The following MINDY4 variants were observed in gnomAD, a reference collection of about 807,000 sequenced individuals.
MINDY4 encodes the protein probable ubiquitin carboxyl-terminal hydrolase MINDY-4.
Under a neutral mutation model 87.0 loss-of-function variants are expected in MINDY4, and 68 were observed. The ratio of observed to expected loss-of-function variants is 0.78; its 90% confidence interval spans 0.64 to 0.96. The LOEUF (loss-of-function observed/expected upper bound fraction) is 0.96. Among genes scored for constraint, MINDY4 ranks in the 40% least tolerant of loss-of-function variants. The pLI is 0.00. For missense variants in MINDY4, 919 were observed against 928.2 expected (o/e 0.99, Z 0.13); for synonymous variants, 379 against 363.2 (o/e 1.04, Z -0.50).
At chr7:30,788,602 T>G (rs1787227301) in intron 4 of MINDY4, among the ~76,000 whole-genome samples, 3 of 152,210 alleles carry the variant, frequency 2.0e-5, no homozygotes, top group African/African-American at 7.2e-5. Context: ...CCTGACAGCT[T>G]GTGTTTTATC....
intron 6 of MINDY4, among the ~76,000 whole-genome samples, chr7:30,832,173 G>A (rs1397095816): frequency 2.6e-5 from 4 of 152,174 alleles, no homozygotes; most frequent in Admixed American, 6.5e-5. Flanking sequence ...TGGGCCCCCA[G>A]CCTTCATTCC....
At chr7:30,847,389 C>CT (rs1789254210) in intron 9 of MINDY4, among the ~76,000 whole-genome samples, 2 of 152,126 alleles carry the variant, frequency 1.3e-5, no homozygotes, top group Admixed American at 1.3e-4. Flanking sequence ...AGGCCCTGCC[C>CT]AAGAGCAAGA....
intron 12 of MINDY4, among the ~76,000 whole-genome samples, chr7:30,854,824 A>G (rs1562555172): frequency 1.3e-5 from 2 of 152,332 alleles, no homozygotes; most frequent in South Asian, 2.1e-4. Flanking sequence ...TACCCTAGGA[A>G]CAAAAGGAGG....
At chr7:30,858,808 C>T in intron 12 of MINDY4, 1 of 364,246 alleles carries the variant, frequency 2.7e-6, no homozygotes, top group East Asian at 7.3e-5. Context: ...TCCCTGGAGT[C>T]CCAGTGTGCT....
At chr7:30,781,144 C>A (rs756541229) in intron 2 of MINDY4, 10 of 152,352 alleles carry the variant, frequency 6.6e-5, no homozygotes, top group Admixed American at 3.3e-4. Context: ...TGCCCCATGT[C>A]CAGCCACGGC....
At chr7:30,852,542 G>T in intron 11 of MINDY4, among the ~76,000 whole-genome samples, 1 of 149,234 alleles carries the variant, frequency 6.7e-6, no homozygotes, top group Non-Finnish European at 1.5e-5. Context: ...TGTATGGAAT[G>T]CCTTTTGGTT....
intron 13 of MINDY4, among the ~76,000 whole-genome samples, chr7:30,869,441 A>G (rs1790036144): frequency 6.6e-6 from 1 of 152,160 alleles, no homozygotes. Context: ...GTTGGTTTCT[A>G]GGGCTGCCAT....
chr7:30,858,849 A>T (rs984192377), intron 12 of MINDY4: 13 of 386,168 alleles, frequency 3.4e-5, no homozygotes, highest in African/African-American at 2.7e-4. Flanking sequence ...TGAACTGGTC[A>T]CTCAGTTTCT....
At chr7:30,856,786 G>A (rs534767342) in intron 12 of MINDY4, among the ~76,000 whole-genome samples, 8 of 151,970 alleles carry the variant, frequency 5.3e-5, no homozygotes, top group Non-Finnish European at 1.0e-4. Context: ...CAAGAGCTTC[G>A]TGACTTCCCT....
At chr7:30,876,121 T>C (rs1341034211) in intron 15 of MINDY4, among the ~76,000 whole-genome samples, 1 of 151,950 alleles carries the variant, frequency 6.6e-6, no homozygotes, top group Non-Finnish European at 1.5e-5. Context: ...AAGGCCATGC[T>C]CCCTCTGAAA....
intron 2 of MINDY4, chr7:30,779,562 A>G (rs146728691): frequency 6.6e-6 from 1 of 152,318 alleles, no homozygotes; most frequent in Non-Finnish European, 1.5e-5. Context: ...AAGAAGGGAA[A>G]ATGCCCTATT....
At chr7:30,813,388 G>A (rs931926403) in intron 5 of MINDY4, among the ~76,000 whole-genome samples, 10 of 152,142 alleles carry the variant, frequency 6.6e-5, no homozygotes, top group Admixed American at 3.3e-4. Flanking sequence ...TTGTGCTCCC[G>A]TGCTGTGGGG....
At chr7:30,805,829 G>A (rs1424653702) in intron 5 of MINDY4, among the ~76,000 whole-genome samples, 1 of 152,174 alleles carries the variant, frequency 6.6e-6, no homozygotes, top group African/African-American at 2.4e-5. Context: ...GAAAGAAGAA[G>A]GTTAAGGAAT....
intron 17 of MINDY4, among the ~76,000 whole-genome samples, chr7:30,885,179 A>C (rs1790591505): frequency 1.3e-5 from 2 of 152,210 alleles, no homozygotes; most frequent in Admixed American, 1.3e-4. Flanking sequence ...TGCTTGGGGA[A>C]AGTTTGCTCC....
intron 5 of MINDY4, among the ~76,000 whole-genome samples, chr7:30,804,164 A>T (rs1380000860): frequency 6.6e-6 from 1 of 152,236 alleles, no homozygotes; most frequent in East Asian, 1.9e-4. Flanking sequence ...CATATTGGGC[A>T]GAGTTCCTCA....
Position 30,853,262 on chromosome 7 carries a change from TG to T in MINDY4, c.1612-131del. 8.3e-6 allele frequency: 6 copies of T among 719,494 alleles called. No individual in the cohort carries two copies. In the South Asian group the frequency reaches 9.6e-5, roughly 11 times the overall value. 44.6% of individuals were successfully genotyped at this position (719,494 alleles called of 1,614,324 possible). A position where few individuals can be genotyped will look rare whatever the true frequency, so the allele number is the denominator to read the frequency against. On this transcript the variant is annotated intron_variant, in intron 11 of 17. Transcript: ENST00000265299. ...GTGCCTCTCAGCCCTGACTTGGAGA[TG>T]CTGCTCTCTGACGCAGGGACATTCC...
intron 17 of MINDY4, among the ~76,000 whole-genome samples, chr7:30,890,206 G>A (rs993525795): frequency 3.9e-5 from 6 of 152,218 alleles, no homozygotes; most frequent in East Asian, 3.8e-4. Flanking sequence ...CTTTTATGCC[G>A]AGTGTTTTAA....
chr7:30,785,008 C>T (rs973854485), intron 3 of MINDY4, among the ~76,000 whole-genome samples: 1 of 151,916 alleles, frequency 6.6e-6, no homozygotes, highest in South Asian at 2.1e-4. Context: ...AGGTCTCTCA[C>T]TTTGTCTCGT....
chr7:30,812,274 G>C (rs973530727), intron 5 of MINDY4, among the ~76,000 whole-genome samples: 49 of 89,672 alleles, frequency 5.5e-4, no homozygotes, highest in Admixed American at 1.1e-3. Flanking sequence ...TGTGTTGAGG[G>C]GGGGGGGGTA....
Sources: gnomAD v4.1 joint callset for allele counts (sites outside exome capture counted in the v4.1 genomes callset) on GRCh38, gnomAD v4.1.1 for gene constraint, MANE v1.5 for transcripts, NCBI Gene and HGNC (gene_info 2026-07-23, HGNC 2026-07-21) for gene names.